Variants in LRMDA observed in about 807,000 individuals in gnomAD.
LRMDA encodes leucine rich melanocyte differentiation associated, also known as leucine-rich melanocyte differentiation-associated protein.
In LRMDA, 18 loss-of-function variants were observed where a neutral mutation model predicts 29.8. The observed-to-expected ratio is 0.60, with a 90% CI of 0.42 to 0.90. The LOEUF is 0.90. LRMDA is among the 40% of genes least tolerant of loss of function. The pLI, the probability that LRMDA is intolerant of heterozygous loss-of-function variation, is 0.00. For synonymous variants in LRMDA, 125 were observed against 109.4 expected (o/e 1.14, Z -0.89); for missense variants, 273 against 273.9 (o/e 1.00, Z 0.02).
chr10:76,068,399 A>G (rs2132065584), intron 5 of LRMDA, among the ~76,000 whole-genome samples: 1 of 152,270 alleles, frequency 6.6e-6, no homozygotes, highest in East Asian at 1.9e-4. Context: ...AGTTTTTTGG[A>G]AGACAATTAT....
At chr10:76,344,986 A>C (rs868695912) in intron 6 of LRMDA, among the ~76,000 whole-genome samples, 3 of 151,486 alleles carry the variant, frequency 2.0e-5, no homozygotes, top group South Asian at 2.1e-4. Flanking sequence ...AAAAGCAAAA[A>C]TGGACAAATT....
chr10:75,920,335 T>G (rs866971269), intron 2 of LRMDA, among the ~76,000 whole-genome samples: 1 of 152,202 alleles, frequency 6.6e-6, no homozygotes, highest in South Asian at 2.1e-4. Flanking sequence ...TGTAGTGCTT[T>G]TTCTCTATGA....
At chr10:75,722,403 A>G (rs1842579428) in intron 2 of LRMDA, among the ~76,000 whole-genome samples, 1 of 152,214 alleles carries the variant, frequency 6.6e-6, no homozygotes, top group Non-Finnish European at 1.5e-5. Context: ...CAATAAAACT[A>G]TAAGACAAAG....
intron 2 of LRMDA, among the ~76,000 whole-genome samples, chr10:75,798,119 C>A (rs1022350008): frequency 4.0e-5 from 6 of 151,804 alleles, no homozygotes; most frequent in Non-Finnish European, 5.9e-5. Context: ...ATCTTTTTTT[C>A]AAAAAACATT....
intron 2 of LRMDA, among the ~76,000 whole-genome samples, chr10:75,538,404 G>C (rs1839978246): frequency 6.6e-6 from 1 of 152,140 alleles, no homozygotes; most frequent in African/African-American, 2.4e-5. Flanking sequence ...TGAATGTAAG[G>C]AATAATTAGG....
At chr10:75,552,342 G>A (rs12266981) in intron 2 of LRMDA, 4,295 of 172,238 alleles carry the variant, frequency 0.025, 224 homozygotes, top group African/African-American at 0.098. Flanking sequence ...CTTTAATGGT[G>A]TCACTCCATT....
At chr10:75,638,155 G>T (rs1841410657) in intron 2 of LRMDA, among the ~76,000 whole-genome samples, 1 of 152,200 alleles carries the variant, frequency 6.6e-6, no homozygotes, top group African/African-American at 2.4e-5. Context: ...AAAGAATGGG[G>T]TGGAAAGCTT....
At chr10:75,701,456 C>G (rs10824335) in intron 2 of LRMDA, among the ~76,000 whole-genome samples, 1 of 152,064 alleles carries the variant, frequency 6.6e-6, no homozygotes, top group Non-Finnish European at 1.5e-5. Context: ...CCAAGACACA[C>G]AAGCAGCTTT....
At chr10:75,459,925 TC>T (rs1196507107) in intron 2 of LRMDA, among the ~76,000 whole-genome samples, 1 of 152,208 alleles carries the variant, frequency 6.6e-6, no homozygotes, top group Non-Finnish European at 1.5e-5. Flanking sequence ...AATAAATGCC[TC>T]GTATTAGGCT....
intron 2 of LRMDA, chr10:75,882,528 T>C (rs1479940689): frequency 6.6e-6 from 1 of 152,216 alleles, no homozygotes; most frequent in Non-Finnish European, 1.5e-5. Flanking sequence ...GTGACATGCA[T>C]GAAAAGATAA....
rs921786695 is a variant in LRMDA at position 75,870,395 on chromosome 10, G to A, written c.132-165613G>A. Among the ~76,000 whole-genome samples, 12 of 152,104 alleles carry A rather than the reference G, an allele frequency of 7.9e-5. No homozygotes were observed. The East Asian group carries it at 1.4e-3, about 17-fold the overall frequency. The stretch of plus-strand genomic sequence containing the variant: ...GCATTTAGAAACATGTGTTATGTAC[G>A]ACATTTGGGAGAATTAAGAAGTGAG... On this transcript the variant is annotated intron_variant, in intron 2 of 6. Transcript: ENST00000611255.
Position 76,517,260 on chromosome 10 carries a change from A to G in LRMDA, c.602-39949A>G, listed in dbSNP as rs866809895. ...ATATATACGATACATATGGCAAAGCATGCAGATAAACTTAAAAGCCCCACC... is the reference window on the plus strand; with the variant it reads ...ATATATACGATACATATGGCAAAGCGTGCAGATAAACTTAAAAGCCCCACC... On this transcript the variant is annotated intron_variant, in intron 6 of 6. Coordinates refer to ENST00000611255, the MANE Select transcript of LRMDA (RefSeq NM_001305581.2). Among the ~76,000 whole-genome samples, 3 of 152,292 alleles carry G rather than the reference A, an allele frequency of 2.0e-5. No homozygotes were observed. The South Asian group carries it at 6.2e-4, about 32-fold the overall frequency.
chr10:76,522,463 T>C (rs946463953), intron 6 of LRMDA, among the ~76,000 whole-genome samples: 2 of 152,226 alleles, frequency 1.3e-5, no homozygotes, highest in Non-Finnish European at 2.9e-5. Flanking sequence ...TGTTGAGTGG[T>C]TGAATGAATC....
intron 5 of LRMDA, among the ~76,000 whole-genome samples, chr10:76,143,407 C>G (rs990602512): frequency 2.0e-5 from 3 of 152,174 alleles, no homozygotes; most frequent in African/African-American, 7.2e-5. Context: ...GATGATATCT[C>G]ATTGTGGTTT....
intron 6 of LRMDA, among the ~76,000 whole-genome samples, chr10:76,415,622 G>GTGCA (rs1554819551): frequency 8.2e-4 from 125 of 151,738 alleles, no homozygotes; most frequent in African/African-American, 2.3e-3. Context: ...GTGTGTGTGT[G>GTGCA]CGTGTGTGTA....
At chr10:75,731,898 C>G (rs184648078) in intron 2 of LRMDA, among the ~76,000 whole-genome samples, 1 of 152,018 alleles carries the variant, frequency 6.6e-6, no homozygotes, top group African/African-American at 2.4e-5. Context: ...TGAAAAAATC[C>G]GAAGTATATG....
chr10:75,965,538 G>A (rs1048305120), intron 2 of LRMDA, among the ~76,000 whole-genome samples: 1 of 152,144 alleles, frequency 6.6e-6, no homozygotes, highest in Admixed American at 6.5e-5. Context: ...CCAATTCCAT[G>A]AGTGGGCTCT....
In LRMDA at chr10:76,324,457, T is replaced by C; in HGVS notation, c.573T>C (p.Ser191=). Reference sequence around the variant, plus strand: ...AGCGCCACTACACGCCCTTGCCTTCTGCTTCCAGGGAACTCACCAGTCACC... The same window carrying C: ...AGCGCCACTACACGCCCTTGCCTTCCGCTTCCAGGGAACTCACCAGTCACC... The part of the protein sequence containing the change: ...SPERHYTPLP[S]ASRELTSHQG... Residue 191 remains serine, a synonymous_variant, in exon 6 of 7, where the codon TCT becomes TCC. Coordinates refer to ENST00000611255, the MANE Select transcript of LRMDA (RefSeq NM_001305581.2). 6.2e-7 allele frequency: 1 copy of C among 1,614,168 alleles called. No individual in the cohort carries two copies. Among genetic ancestry groups the C allele is most frequent in the South Asian group, 1.1e-5 (1 of 91,072 alleles).
At chr10:76,401,278 G>A (rs1374894443) in intron 6 of LRMDA, among the ~76,000 whole-genome samples, 6 of 152,186 alleles carry the variant, frequency 3.9e-5, no homozygotes, top group African/African-American at 1.4e-4. Context: ...CCACAGGACA[G>A]CAAAACAGAA....
Sources: allele counts gnomAD v4.1 joint callset (sites outside exome capture counted in the v4.1 genomes callset), GRCh38; gene constraint gnomAD v4.1.1; transcripts MANE v1.5; gene names NCBI Gene and HGNC (gene_info 2026-07-23, HGNC 2026-07-21).